Variants in PPP1R16B observed in about 807,000 individuals in gnomAD.
PPP1R16B encodes protein phosphatase 1 regulatory subunit 16B, also known as protein phosphatase 1 regulatory inhibitor subunit 16B.
PPP1R16B carries 14 observed loss-of-function variants against 61.7 expected under a neutral mutation model. The ratio of observed to expected loss-of-function variants is 0.23; its 90% CI spans 0.15 to 0.35. The LOEUF is 0.35. Among genes scored for constraint, PPP1R16B ranks in the 10% least tolerant of loss-of-function variants. PPP1R16B has a pLI of 1.00. For missense variants in PPP1R16B, 547 were observed against 752.5 expected (o/e 0.73, Z 3.19); for synonymous variants, 266 against 305.3 (o/e 0.87, Z 1.34).
At chr20:38,819,317 T>C (rs184128518) in intron 1 of PPP1R16B, among the ~76,000 whole-genome samples, 1 of 152,110 alleles carries the variant, frequency 6.6e-6, no homozygotes, top group African/African-American at 2.4e-5. Flanking sequence ...GCTCTAGGAA[T>C]GCAGTGAGTG....
intron 10 of PPP1R16B, 103 bp downstream of exon 10, chr20:38,908,296 T>C: frequency 7.0e-7 from 1 of 1,425,280 alleles, no homozygotes; most frequent in Admixed American, 2.1e-5. Context: ...CAGAGGGAAG[T>C]AGCCAGGCAC....
intron 1 of PPP1R16B, among the ~76,000 whole-genome samples, chr20:38,816,545 G>A (rs989259729): frequency 6.6e-6 from 1 of 152,250 alleles, no homozygotes; most frequent in Admixed American, 6.5e-5. Flanking sequence ...CATGTAGAAA[G>A]GGGTATGATC....
chr20:38,816,343 A>G (rs2084735172), intron 1 of PPP1R16B, among the ~76,000 whole-genome samples: 1 of 152,238 alleles, frequency 6.6e-6, no homozygotes, highest in African/African-American at 2.4e-5. Flanking sequence ...TTTAAAAATC[A>G]GCAACCTTGA....
intron 1 of PPP1R16B, among the ~76,000 whole-genome samples, chr20:38,830,093 C>T (rs2084827976): frequency 1.3e-5 from 2 of 152,316 alleles, no homozygotes; most frequent in South Asian, 4.1e-4. Flanking sequence ...CTGGGGCCTG[C>T]CACCCTGGGG....
intron 4 of PPP1R16B, among the ~76,000 whole-genome samples, chr20:38,896,806 T>C (rs1232037705): frequency 1.3e-5 from 2 of 152,198 alleles, no homozygotes; most frequent in Admixed American, 6.5e-5. Flanking sequence ...ACCACCATTC[T>C]ACTTTCTGTC....
intron 2 of PPP1R16B, among the ~76,000 whole-genome samples, chr20:38,866,255 C>T (rs998644295): frequency 6.6e-6 from 1 of 152,136 alleles, no homozygotes; most frequent in Non-Finnish European, 1.5e-5. Flanking sequence ...GCTCCTAAAT[C>T]CCGGGTGTGC....
chr20:38,894,109 C>A (rs2085313927), intron 3 of PPP1R16B, among the ~76,000 whole-genome samples: 1 of 151,754 alleles, frequency 6.6e-6, no homozygotes, highest in African/African-American at 2.4e-5. Context: ...GCCACCGTCC[C>A]CCCCGCACCC....
At chr20:38,862,502 T>C (rs1302512826) in intron 2 of PPP1R16B, among the ~76,000 whole-genome samples, 3 of 151,946 alleles carry the variant, frequency 2.0e-5, no homozygotes, top group Non-Finnish European at 4.4e-5. Context: ...AAGGAAGATA[T>C]GAAAGCAAAT....
At chr20:38,822,811 G>A (rs2084781384) in intron 1 of PPP1R16B, among the ~76,000 whole-genome samples, 1 of 152,208 alleles carries the variant, frequency 6.6e-6, no homozygotes, top group Non-Finnish European at 1.5e-5. Context: ...ATGAAACAGA[G>A]TGTTCAGGAA....
rs150046490 is a variant in PPP1R16B, at chr20:38,843,680, A to T, written c.250+7505A>T. Among the ~76,000 whole-genome samples, 352 of 152,334 alleles carry T rather than the reference A, an allele frequency of 2.3e-3. 4 individuals carry two copies. Among genetic ancestry groups the T allele is most frequent in the African/African-American group, 8.1e-3 (337 of 41,574 alleles). On this transcript the variant is annotated intron_variant, in intron 2 of 10. Transcript: ENST00000299824. ...CTCAAGGGGTGGGGAATTAAGCTTC[A>T]TCTTTTGAAGAGAGAATTTGTGGAC...
rs777043132 is a variant in PPP1R16B, at chr20:38,918,183, A to G, written c.1221A>G (p.Leu407=). 14 of 1,613,928 alleles carry G rather than the reference A, an allele frequency of 8.7e-6. No individual in the cohort carries two copies. Among genetic ancestry groups the G allele is most frequent in the Non-Finnish European group, 1.2e-5 (14 of 1,180,002 alleles). The change falls in exon 11 of 11, where the codon CTA becomes CTG. Residue 407 remains leucine (L), a synonymous_variant. Coordinates refer to ENST00000299824, the MANE Select transcript of PPP1R16B (RefSeq NM_015568.4). This position sits in a 1 kb window ranked among gnomAD's most constrained non-coding sequence, Gnocchi z 5.3. The stretch of plus-strand genomic sequence containing the variant: ...ACCCCAGGCTGGAGAAGCCCGTGCT[A>G]CTCTCCGAATTTCCTACCAAGATCC... ...DPNPRLEKPV[L]LSEFPTKIPR...
intron 2 of PPP1R16B, among the ~76,000 whole-genome samples, chr20:38,852,380 C>T (rs1439073253): frequency 6.6e-6 from 1 of 152,184 alleles, no homozygotes; most frequent in Non-Finnish European, 1.5e-5. Flanking sequence ...GTGATCCTGG[C>T]ATTGTGTTTT....
At chr20:38,872,194 C>T (rs1164447802) in intron 2 of PPP1R16B, among the ~76,000 whole-genome samples, 3 of 152,156 alleles carry the variant, frequency 2.0e-5, no homozygotes, top group Admixed American at 6.5e-5. Flanking sequence ...ATCATTTGCT[C>T]ACTTACTGTT....
intron 2 of PPP1R16B, among the ~76,000 whole-genome samples, chr20:38,885,814 C>T (rs1329175679): frequency 2.6e-5 from 4 of 152,316 alleles, no homozygotes; most frequent in Non-Finnish European, 4.4e-5. Flanking sequence ...CTTGCTCCGT[C>T]GCCCAGGCTG....
At chr20:38,865,981 A>G (rs1036220987) in intron 2 of PPP1R16B, among the ~76,000 whole-genome samples, 1 of 152,002 alleles carries the variant, frequency 6.6e-6, no homozygotes, top group Non-Finnish European at 1.5e-5. Context: ...AAAATTAGCC[A>G]GACATGGTGG....
chr20:38,822,060 T>TA (rs1314191334), intron 1 of PPP1R16B, among the ~76,000 whole-genome samples: 21 of 148,452 alleles, frequency 1.4e-4, no homozygotes, highest in Admixed American at 2.7e-4. Context: ...AATATATATA[T>TA]TTTTTTAATC....
intron 5 of PPP1R16B, among the ~76,000 whole-genome samples, chr20:38,901,624 G>T (rs1347042390): frequency 1.3e-5 from 2 of 152,094 alleles, no homozygotes; most frequent in Non-Finnish European, 2.9e-5. Context: ...TGGCCAGGCT[G>T]GTCTCGAACT....
intron 2 of PPP1R16B, among the ~76,000 whole-genome samples, chr20:38,855,003 CT>C (rs1337904707): frequency 6.6e-6 from 1 of 152,100 alleles, no homozygotes; most frequent in Non-Finnish European, 1.5e-5. Context: ...TGAGTCAGCA[CT>C]TTTTTGCAGC....
In PPP1R16B at chr20:38,918,056, T is replaced by G; in HGVS notation, c.1195-101T>G. 6.9e-7 allele frequency: 1 copy of G among 1,453,786 alleles called. No homozygotes were observed. The highest frequency in any genetic ancestry group is 9.4e-7 in the Non-Finnish European group (1 of 1,068,950). 90.1% of individuals were successfully genotyped at this position (1,453,786 alleles called of 1,614,324 possible). ...CCGATACCCAGGGAGAGAAAACAGA[T>G]AGAGGAAAAGTCCAAACAATAATGC... On this transcript the variant is annotated intron_variant, in intron 10 of 10. Coordinates refer to ENST00000299824, the MANE Select transcript of PPP1R16B (RefSeq NM_015568.4). The surrounding 1 kb of genome is among the most constrained non-coding windows in gnomAD (Gnocchi z 5.3).
Sources: gnomAD v4.1 joint callset for allele counts (sites outside exome capture counted in the v4.1 genomes callset) on GRCh38, gnomAD v4.1.1 for gene constraint, Gnocchi (gnomAD v3.1) non-coding constraint, MANE v1.5 for transcripts, NCBI Gene and HGNC (gene_info 2026-07-23, HGNC 2026-07-21) for gene names.